Variants in FHIT observed in about 807,000 individuals in gnomAD.
FHIT encodes the protein fragile histidine triad diadenosine triphosphatase.
In FHIT, 19 loss-of-function variants were observed where a neutral mutation model predicts 17.9. The ratio of observed to expected loss-of-function variants is 1.06; its 90% CI spans 0.74 to 1.56. The LOEUF is 1.56. Among genes scored for constraint, FHIT ranks in the 40% most tolerant of loss-of-function variants. The probability of loss-of-function intolerance (pLI) is 0.00; values close to 1 mark genes in which losing one functional copy is unlikely to be tolerated. For missense variants in FHIT, 248 were observed against 189.2 expected (o/e 1.31, Z -1.82); for synonymous variants, 81 against 69.7 (o/e 1.16, Z -0.81).
intron 1 of FHIT, among the ~76,000 whole-genome samples, chr3:61,217,545 T>C (rs2039719591): frequency 6.6e-6 from 1 of 152,130 alleles, no homozygotes; most frequent in South Asian, 2.1e-4. Flanking sequence ...AGAAATCACA[T>C]AACACCATTT....
At chr3:61,250,276 G>A (rs1176161875) in intron 1 of FHIT, among the ~76,000 whole-genome samples, 5 of 152,242 alleles carry the variant, frequency 3.3e-5, no homozygotes, top group Admixed American at 6.5e-5. Context: ...AGCCAAGGAG[G>A]GAGAGTTCAG....
chr3:59,923,905 G>A lies in FHIT; in HGVS notation c.280-1491C>T, dbSNP rs116424184. ...AGAGAGGAGCTTCAAAGCAGCCCCT[G>A]AGCACAGTTCCCAAAGAGTGACACG... is the stretch of plus-strand genomic sequence containing the variant. On this transcript the variant is annotated intron_variant, in intron 7 of 9. Coordinates refer to ENST00000492590, the MANE Select transcript of FHIT (RefSeq NM_002012.4). 6.2e-3 allele frequency among the ~76,000 whole-genome samples: 948 copies of A among 152,266 alleles called. 7 individuals carry two copies. The highest frequency in any genetic ancestry group is 0.022 in the African/African-American group (899 of 41,544).
chr3:60,494,355 TGTA>T (rs1049866422), intron 5 of FHIT, among the ~76,000 whole-genome samples: 1 of 152,210 alleles, frequency 6.6e-6, no homozygotes, highest in Non-Finnish European at 1.5e-5. Flanking sequence ...GGTACATAGT[TGTA>T]TATATTTATG....
chr3:60,538,165 C>G (rs947009515), intron 4 of FHIT, among the ~76,000 whole-genome samples: 46 of 152,196 alleles, frequency 3.0e-4, no homozygotes, highest in African/African-American at 1.1e-3. Context: ...AGAGAGCAAA[C>G]TCATGAGTGA....
At chr3:59,928,368 G>A (rs779111433) in intron 7 of FHIT, among the ~76,000 whole-genome samples, 2 of 152,170 alleles carry the variant, frequency 1.3e-5, no homozygotes, top group Non-Finnish European at 2.9e-5. Context: ...AATGTCATCA[G>A]GAGTCCTTAA....
intron 5 of FHIT, among the ~76,000 whole-genome samples, chr3:60,261,673 G>T (rs994067937): frequency 1.3e-5 from 2 of 151,948 alleles, no homozygotes; most frequent in Non-Finnish European, 2.9e-5. Flanking sequence ...GTGCCTTCCT[G>T]ACCAATAGGT....
chr3:60,435,058 AC>A (rs2030088328), intron 5 of FHIT, among the ~76,000 whole-genome samples: 1 of 151,948 alleles, frequency 6.6e-6, no homozygotes, highest in Non-Finnish European at 1.5e-5. Flanking sequence ...TTATCAGACC[AC>A]CCCTTATCAG....
intron 4 of FHIT, among the ~76,000 whole-genome samples, chr3:60,722,135 T>A (rs782318973): frequency 7.9e-5 from 12 of 152,204 alleles, no homozygotes; most frequent in Non-Finnish European, 1.8e-4. Context: ...GATGAAAATA[T>A]GAAGGCTGAT....
intron 5 of FHIT, among the ~76,000 whole-genome samples, chr3:60,468,280 G>T (rs1012191474): frequency 6.6e-6 from 1 of 152,144 alleles, no homozygotes; most frequent in South Asian, 2.1e-4. Context: ...TTAGAGTTTA[G>T]TCCATTTACA....
At chr3:60,259,262 T>A (rs866051390) in intron 5 of FHIT, among the ~76,000 whole-genome samples, 2 of 152,052 alleles carry the variant, frequency 1.3e-5, no homozygotes, top group Non-Finnish European at 2.9e-5. Context: ...CTACTGGAAA[T>A]AGACACTAGT....
rs368356249 is a variant in FHIT at position 59,880,865 on chromosome 3, CT to C, written c.348+41480del. On this transcript the variant is annotated intron_variant, in intron 8 of 9. Transcript: ENST00000492590. ...CATTAGCCAAAACAGTATTGTGCTC[CT>C]TCTAATTCCATATTCTCAGACTACA... Among the ~76,000 whole-genome samples, 309 of 152,268 alleles carry C rather than the reference CT, an allele frequency of 2.0e-3. 3 individuals carry two copies. The highest frequency in any genetic ancestry group is 6.8e-3 in the African/African-American group (284 of 41,552).
chr3:60,552,765 C>A (rs115837366), intron 4 of FHIT, among the ~76,000 whole-genome samples: 1,681 of 152,322 alleles, frequency 0.011, 36 homozygotes, highest in African/African-American at 0.038. Context: ...TGCTTTGTAG[C>A]TGACTCATCC....
Position 60,536,913 on chromosome 3 carries a change from A to C in FHIT, c.50T>G (p.Leu17Arg). The C allele has an allele frequency of 6.2e-7, 1 of 1,613,552 alleles. No individual in the cohort carries two copies. Among genetic ancestry groups the C allele is most frequent in the Non-Finnish European group, 8.5e-7 (1 of 1,179,674 alleles). ...QHLIKPSVVF[L>R]KTELSFALVN... ...AAGAGCGAAGGACAGTTCTGTTTTG[A>C]GAAACACTACAGAGGGCTTGATGAG... Residue 17 changes from leucine to arginine, a missense_variant, in exon 5 of 10, where the codon CTC (leucine) becomes CGC (arginine). Leu to Arg is a moderately radical substitution (Grantham distance 102). Coordinates refer to ENST00000492590, the MANE Select transcript of FHIT (RefSeq NM_002012.4).
At chr3:60,230,188 G>A (rs988716824) in intron 5 of FHIT, among the ~76,000 whole-genome samples, 9 of 152,056 alleles carry the variant, frequency 5.9e-5, no homozygotes, top group Admixed American at 1.3e-4. Context: ...AGCCACACGC[G>A]GCCACTGGCT....
chr3:60,246,622 C>G lies in FHIT; in HGVS notation c.104-232470G>C, dbSNP rs182176277. ...ACAAATTTTAAGGGTGAGAGCGTAA[C>G]TGTCTCCAGTTGGAGTGGAGCTTGA... On this transcript the variant is annotated intron_variant, in intron 5 of 9. Transcript: ENST00000492590. Among the ~76,000 whole-genome samples the G allele has an allele frequency of 1.1e-3, 170 of 152,252 alleles. 1 individual carries two copies. Among genetic ancestry groups the G allele is most frequent in the Middle Eastern group, 3.4e-3 (1 of 294 alleles).
At chr3:60,011,160 C>G (rs770172825) in intron 7 of FHIT, among the ~76,000 whole-genome samples, 1 of 143,638 alleles carries the variant, frequency 7.0e-6, no homozygotes, top group Non-Finnish European at 1.5e-5. Context: ...AATAATTTTA[C>G]TACTAAAAGT....
chr3:60,777,058 G>T (rs1700236523), intron 4 of FHIT, among the ~76,000 whole-genome samples: 1 of 152,092 alleles, frequency 6.6e-6, no homozygotes, highest in Admixed American at 6.5e-5. Context: ...ATTTGTAAAG[G>T]GTTATAAAAG....
At chr3:60,310,879 A>G (rs558124829) in intron 5 of FHIT, among the ~76,000 whole-genome samples, 2 of 152,200 alleles carry the variant, frequency 1.3e-5, no homozygotes, top group Admixed American at 6.5e-5. Flanking sequence ...TCATTTGTGC[A>G]CTTTCTTGCT....
chr3:60,768,307 G>A (rs557370352), intron 4 of FHIT, among the ~76,000 whole-genome samples: 22 of 152,320 alleles, frequency 1.4e-4, no homozygotes, highest in African/African-American at 4.8e-4. Flanking sequence ...CAAATACACA[G>A]TAAGGCTTCT....
Sources: allele counts gnomAD v4.1 joint callset (sites outside exome capture counted in the v4.1 genomes callset), GRCh38; gene constraint gnomAD v4.1.1; transcripts MANE v1.5; gene names NCBI Gene and HGNC (gene_info 2026-07-23, HGNC 2026-07-21).